The following PIK3CD variants were observed in gnomAD, a reference collection of about 807,000 sequenced individuals.
The protein encoded by PIK3CD is phosphatidylinositol 4,5-bisphosphate 3-kinase catalytic subunit delta isoform.
In PIK3CD, 20 loss-of-function variants were observed where a neutral mutation model predicts 122.9. The ratio of observed to expected loss-of-function variants is 0.16; its 90% confidence interval spans 0.11 to 0.24. The LOEUF is 0.24. Among genes scored for constraint, PIK3CD ranks in the 10% least tolerant of loss-of-function variants. The probability of loss-of-function intolerance (pLI) is 1.00; values close to 1 mark genes in which losing one functional copy is unlikely to be tolerated. For missense variants in PIK3CD, 787 were observed against 1,406.3 expected (o/e 0.56, Z 7.04); for synonymous variants, 596 against 593.4 (o/e 1.00, Z -0.06).
At chr1:9,655,590 C>G (rs1197006918) in intron 1 of PIK3CD, among the ~76,000 whole-genome samples, 2 of 151,596 alleles carry the variant, frequency 1.3e-5, no homozygotes, top group African/African-American at 4.8e-5. Context: ...GCTGGATATG[C>G]GTGAAACTCC....
In PIK3CD at chr1:9,719,779, C is replaced by T. The variant is rs1648193874; in HGVS notation, c.1243-142C>T. On this transcript the variant is annotated intron_variant, in intron 9 of 23. Transcript: ENST00000377346. This position sits in a 1 kb window ranked among gnomAD's most constrained non-coding sequence, Gnocchi z 5.5. ...AGGAAAAAGCGGCTCCTCTCCTTCC[C>T]CAAGCAGGGTCTCCCAGGGGTCTGG... is the stretch of plus-strand genomic sequence containing the variant. 1 of 766,736 alleles carries T rather than the reference C, an allele frequency of 1.3e-6. No individual in the cohort carries two copies. The highest frequency in any genetic ancestry group is 1.7e-5 in the African/African-American group (1 of 57,916). The allele number at this position is 766,736 out of a possible 1,614,324, so 47.5% of individuals were successfully genotyped here.
upstream of PIK3CD, among the ~76,000 whole-genome samples, chr1:9,647,498 T>TTAC (rs1553155707): frequency 6.8e-6 from 1 of 147,268 alleles, no homozygotes; most frequent in African/African-American, 2.5e-5. Context: ...ATTATTATTA[T>TTAC]TATTATTATT....
At chr1:9,707,720 A>G (rs1000207360) in intron 2 of PIK3CD, among the ~76,000 whole-genome samples, 2 of 152,054 alleles carry the variant, frequency 1.3e-5, no homozygotes, top group African/African-American at 4.8e-5. Flanking sequence ...TACACAATGA[A>G]ATATTGTGCA....
intron 3 of PIK3CD, among the ~76,000 whole-genome samples, chr1:9,713,903 A>G (rs1019400783): frequency 2.9e-5 from 4 of 136,960 alleles, no homozygotes; most frequent in Non-Finnish European, 6.1e-5. Context: ...TCCAGGCTGT[A>G]GTGCAGTGGC....
Position 9,717,196 on chromosome 1 carries a change from G to C in PIK3CD, c.930+88G>C. The C allele has an allele frequency of 6.6e-7, 1 of 1,513,874 alleles. No individual in the cohort carries two copies. Among genetic ancestry groups the C allele is most frequent in the Non-Finnish European group, 9.2e-7 (1 of 1,092,346 alleles). The allele number at this position is 1,513,874 out of a possible 1,614,324, so 93.8% of individuals were successfully genotyped here. A position where few individuals can be genotyped will look rare whatever the true frequency, so the allele number is the denominator to read the frequency against. On this transcript the variant is annotated intron_variant, in intron 7 of 23. Transcript: ENST00000377346. The surrounding 1 kb of genome is among the most constrained non-coding windows in gnomAD (Gnocchi z 5.4). ...CATGTGCTACTGGCCATGGGTCCAG[G>C]GGCCCTTGGTATGGAGAGCTGGGGC...
chr1:9,688,855 G>GT (rs923684022), intron 1 of PIK3CD, among the ~76,000 whole-genome samples: 2 of 151,960 alleles, frequency 1.3e-5, no homozygotes, highest in South Asian at 2.1e-4. Context: ...AGCGCCCAGA[G>GT]TTTTTTTTAA....
Position 9,704,999 on chromosome 1 carries a change from C to T in PIK3CD, c.-32-5425C>T, listed in dbSNP as rs542262569. On this transcript the variant is annotated intron_variant, in intron 2 of 23. Transcript: ENST00000377346. This position sits in a 1 kb window ranked among gnomAD's most constrained non-coding sequence, Gnocchi z 5.0. ...GCTGACGGTGAGGCCTGGGCCCAGC[C>T]GGCGCTGCCACCCAATCAACACCTG... 2.0e-5 allele frequency among the ~76,000 whole-genome samples: 3 copies of T among 152,152 alleles called. No individual in the cohort carries two copies. The highest frequency in any genetic ancestry group is 4.8e-5 in the African/African-American group (2 of 41,516).
rs187903077 is a variant in PIK3CD at position 9,675,157 on chromosome 1, G to C, written c.-137-16310G>C. On this transcript the variant is annotated intron_variant, in intron 1 of 23. Transcript: ENST00000377346. ...TCCCAGCACTTTGGGAGGCCGAGGC[G>C]GGCGGATCACGAGGTCAGGAGATCG... Among the ~76,000 whole-genome samples, 6 of 151,794 alleles carry C rather than the reference G, an allele frequency of 4.0e-5. No homozygotes were observed. In the East Asian group the frequency reaches 1.2e-3, roughly 29 times the overall value.
At position 9,700,395 on chromosome 1, in the gene PIK3CD, G is replaced by A. The variant is rs978970985; in HGVS notation, c.-33+8824G>A. Among the ~76,000 whole-genome samples, 15 of 152,320 alleles carry A rather than the reference G, an allele frequency of 9.8e-5. No homozygotes were observed. The highest frequency in any genetic ancestry group is 5.8e-4 in the East Asian group (3 of 5,188). On this transcript the variant is annotated intron_variant, in intron 2 of 23. Coordinates refer to ENST00000377346, the MANE Select transcript of PIK3CD (RefSeq NM_005026.5). The surrounding 1 kb of genome is among the most constrained non-coding windows in gnomAD (Gnocchi z 5.1). ...GTGTCCTGGCCAGAACCCCATGTGC[G>A]GGAGGGCTCCGCTTTGCACAGCTGT...
chr1:9,653,294 A>G (rs1204355965), intron 1 of PIK3CD: 1 of 169,270 alleles, frequency 5.9e-6, no homozygotes, highest in Non-Finnish European at 1.3e-5. Context: ...ATTACTCCCC[A>G]AAGAACTGGT....
In PIK3CD at chr1:9,728,936, GTTCTT is replaced by G. The variant is rs912521239; in HGVS notation, c.*1893_*1897del. On this transcript the variant is annotated 3_prime_UTR_variant, in exon 24 of 24. Transcript: ENST00000377346. ...GAAAAGAAAGAAAAAGCCTTTTTAT[GTTCTT>G]TTATGTTCTCGGCTCAAAAAGAAAC... 5 of 152,320 alleles carry G rather than the reference GTTCTT, an allele frequency of 3.3e-5. No homozygotes were observed. Among genetic ancestry groups the G allele is most frequent in the Middle Eastern group, 3.4e-3 (1 of 294 alleles). 9.4% of individuals were successfully genotyped at this position (152,320 alleles called of 1,614,324 possible).
At position 9,724,496 on chromosome 1, in the gene PIK3CD, G is replaced by A; in HGVS notation, c.2864+75G>A. The A allele has an allele frequency of 1.3e-6, 2 of 1,533,918 alleles. No individual in the cohort carries two copies. Among genetic ancestry groups the A allele is most frequent in the Non-Finnish European group, 1.8e-6 (2 of 1,111,600 alleles). On this transcript the variant is annotated intron_variant, in intron 22 of 23. Coordinates refer to ENST00000377346, the MANE Select transcript of PIK3CD (RefSeq NM_005026.5). The surrounding 1 kb of genome is among the most constrained non-coding windows in gnomAD (Gnocchi z 7.3). ...GAACAGGGCAGAGGTTCCCAGGCAGGGTGCAGGATGGGGCTCAGGTCTCAA... is the reference window on the plus strand; with the variant it reads ...GAACAGGGCAGAGGTTCCCAGGCAGAGTGCAGGATGGGGCTCAGGTCTCAA...
rs1480636782 is a variant in PIK3CD at position 9,717,973 on chromosome 1, C to T, written c.1020+347C>T. Among the ~76,000 whole-genome samples, 3 of 152,094 alleles carry T rather than the reference C, an allele frequency of 2.0e-5. No individual in the cohort carries two copies. Among genetic ancestry groups the T allele is most frequent in the Non-Finnish European group, 2.9e-5 (2 of 67,998 alleles). On this transcript the variant is annotated intron_variant, in intron 8 of 23. Transcript: ENST00000377346. This position sits in a 1 kb window ranked among gnomAD's most constrained non-coding sequence, Gnocchi z 5.4. ...GGGCTGGGTCCAGCTGGGCTGGGGG[C>T]TGTGGTGCTCCCTGGAGGCACCAGG...
At chr1:9,654,014 T>G in intron 1 of PIK3CD, 1 of 1,304,398 alleles carries the variant, frequency 7.7e-7, no homozygotes, top group Non-Finnish European at 1.0e-6. Context: ...AAGGTTGCAG[T>G]AAGCTATTAC....
chr1:9,689,575 G>GCGCGGCGGGCCTGCCCTCCGGCC lies in PIK3CD; in HGVS notation c.-137-1890_-137-1868dup, dbSNP rs1311598909. 4.1e-5 allele frequency among the ~76,000 whole-genome samples: 6 copies of GCGCGGCGGGCCTGCCCTCCGGCC among 148,086 alleles called. No homozygotes were observed. Among genetic ancestry groups the GCGCGGCGGGCCTGCCCTCCGGCC allele is most frequent in the Admixed American group, 6.7e-5 (1 of 14,978 alleles). On this transcript the variant is annotated intron_variant, in intron 1 of 23. Coordinates refer to ENST00000377346, the MANE Select transcript of PIK3CD (RefSeq NM_005026.5). This position sits in a 1 kb window ranked among gnomAD's most constrained non-coding sequence, Gnocchi z 6.1. ...GCCGAGCCCCGCTTGCCTGCACCTC[G>GCGCGGCGGGCCTGCCCTCCGGCC]CGCGGCGGGCCTGCCCTCCGGCCCC... is the stretch of plus-strand genomic sequence containing the variant.
intron 1 of PIK3CD, among the ~76,000 whole-genome samples, chr1:9,661,187 A>G (rs12083390): frequency 0.28 from 42,808 of 151,686 alleles, 6,635 homozygotes; most frequent in East Asian, 0.62. Context: ...CACCTGCCTC[A>G]GTCTCCCAAA....
chr1:9,701,128 C>A (rs947885188), intron 2 of PIK3CD, among the ~76,000 whole-genome samples: 1 of 152,164 alleles, frequency 6.6e-6, no homozygotes, highest in African/African-American at 2.4e-5. Flanking sequence ...TCAGCACAAG[C>A]CCCAGGTGCC....
the PIK3CD span, among the ~76,000 whole-genome samples, chr1:9,639,085 G>A: frequency 0.019 from 2,846 of 152,186 alleles, 74 homozygotes; most frequent in South Asian, 0.079. Context: ...GGATTTGGAC[G>A]TATCTTTTTA....
Position 9,723,921 on chromosome 1 carries a change from C to T in PIK3CD, c.2595-48C>T, listed in dbSNP as rs1345552971. The T allele has an allele frequency of 1.0e-5, 16 of 1,578,384 alleles. No homozygotes were observed. The highest frequency in any genetic ancestry group is 6.7e-5 in the East Asian group (3 of 44,668). On this transcript the variant is annotated intron_variant, in intron 20 of 23. Coordinates refer to ENST00000377346, the MANE Select transcript of PIK3CD (RefSeq NM_005026.5). This position sits in a 1 kb window ranked among gnomAD's most constrained non-coding sequence, Gnocchi z 4.9. ...GAGTAATAACCCACCTCTTGATAGG[C>T]GGAGCTGCAAAATGGTATGGCCATG...
Sources: gnomAD v4.1 joint callset for allele counts (sites outside exome capture counted in the v4.1 genomes callset) on GRCh38, gnomAD v4.1.1 for gene constraint, Gnocchi (gnomAD v3.1) non-coding constraint, MANE v1.5 for transcripts, NCBI Gene and HGNC (gene_info 2026-07-23, HGNC 2026-07-21) for gene names.